The following TBL1X variants were observed in gnomAD, a reference collection of about 807,000 sequenced individuals.
The protein encoded by TBL1X is F-box-like/WD repeat-containing protein TBL1X.
Under a neutral mutation model 50.7 loss-of-function variants are expected in TBL1X, and 10 were observed. The ratio of observed to expected loss-of-function variants is 0.20; its 90% CI spans 0.12 to 0.33. The LOEUF is 0.33. TBL1X is among the 10% of genes least tolerant of loss of function. The probability of loss-of-function intolerance (pLI) is 1.00; values close to 1 mark genes in which losing one functional copy is unlikely to be tolerated. For missense variants in TBL1X, 340 were observed against 504.4 expected, an observed-to-expected ratio of 0.67 and a Z score of 3.12; for synonymous variants, 190 against 214.7, an observed-to-expected ratio of 0.88 and a Z score of 1.01.
chrX:9,702,461 CTG>C (rs2083179986), intron 12 of TBL1X, among the ~76,000 whole-genome samples: 1 of 93,543 alleles, frequency 1.1e-5, no homozygotes, highest in South Asian at 5.1e-4. Context: ...AAAAAAAAAA[CTG>C]GGCATGGTGG....
chrX:9,661,057 TCC>T (rs1211090286), intron 5 of TBL1X, among the ~76,000 whole-genome samples: 1 of 112,099 alleles, frequency 8.9e-6, no homozygotes, highest in African/African-American at 3.2e-5. Flanking sequence ...GATCGTGGAC[TCC>T]CAGCCTCCAG....
intron 2 of TBL1X, among the ~76,000 whole-genome samples, chrX:9,554,833 C>A (rs2082287691): frequency 9.0e-6 from 1 of 111,706 alleles, no homozygotes; most frequent in Admixed American, 9.5e-5. Context: ...GTTGTACAGA[C>A]ATCGAGACAG....
intron 2 of TBL1X, among the ~76,000 whole-genome samples, chrX:9,638,258 G>A (rs1775826415): frequency 9.0e-6 from 1 of 111,709 alleles, no homozygotes; most frequent in African/African-American, 3.3e-5. Flanking sequence ...TTATTTAGCT[G>A]TAAAAATAAA....
intron 2 of TBL1X, among the ~76,000 whole-genome samples, chrX:9,509,456 A>G (rs1212169078): frequency 9.9e-6 from 1 of 101,405 alleles, no homozygotes; most frequent in African/African-American, 3.6e-5. Flanking sequence ...GACCCCAGAT[A>G]GCATCATTTT....
chrX:9,652,875 GA>G (rs1055683332), intron 3 of TBL1X, among the ~76,000 whole-genome samples: 1 of 108,543 alleles, frequency 9.2e-6, no homozygotes, highest in Admixed American at 9.7e-5. Flanking sequence ...AAGAAAGAAA[GA>G]AAAAAAGAGG....
chrX:9,635,162 G>A (rs1043521496), intron 2 of TBL1X, among the ~76,000 whole-genome samples: 2 of 110,948 alleles, frequency 1.8e-5, no homozygotes, highest in African/African-American at 6.6e-5. Context: ...GCCTCGCCAC[G>A]AGCACCCGAA....
chrX:9,697,562 A>G, intron 12 of TBL1X, 133 bp downstream of exon 12: 2 of 895,549 alleles, frequency 2.2e-6, no homozygotes, highest in Non-Finnish European at 3.1e-6. Flanking sequence ...GCATGAGGTC[A>G]GGAGTTCAAG....
At chrX:9,493,100 C>G (rs1446154280) in intron 1 of TBL1X, among the ~76,000 whole-genome samples, 1 of 111,339 alleles carries the variant, frequency 9.0e-6, no homozygotes, top group African/African-American at 3.3e-5. Context: ...TGCCATAGGG[C>G]AGAGTCTCAA....
intron 2 of TBL1X, among the ~76,000 whole-genome samples, chrX:9,582,657 A>G (rs188760361): frequency 8.9e-6 from 1 of 112,475 alleles, no homozygotes; most frequent in Non-Finnish European, 1.9e-5. Context: ...TGGGGTTCCA[A>G]TGTTTTCCTT....
chrX:9,500,763 T>G (rs935573858), intron 1 of TBL1X, among the ~76,000 whole-genome samples: 1 of 112,132 alleles, frequency 8.9e-6, no homozygotes, highest in Non-Finnish European at 1.9e-5. Context: ...GCCCAGAGCA[T>G]GCACAACCCA....
rs1017725083 is a variant in TBL1X, at chrX:9,674,997, G to A, written c.212-9046G>A. 6.3e-5 allele frequency among the ~76,000 whole-genome samples: 7 copies of A among 111,750 alleles called. No homozygotes were observed. In the Admixed American group the frequency reaches 6.6e-4, roughly 11 times the overall value. On this transcript the variant is annotated intron_variant, in intron 5 of 17. Transcript: ENST00000645353. ...GATATACCAATACCTGTTAGTTTAC[G>A]AGTTTCATTTAGTTCTATTGTTCGC...
intron 1 of TBL1X, among the ~76,000 whole-genome samples, chrX:9,487,487 A>C (rs1339679225): frequency 1.8e-5 from 2 of 111,897 alleles, no homozygotes; most frequent in Non-Finnish European, 3.8e-5. Context: ...TTTCTTGTAA[A>C]TGTTCTGTCA....
At position 9,689,964 on chromosome X, in the gene TBL1X, C is replaced by T. The variant is rs1283654254; in HGVS notation, c.617-1615C>T. On this transcript the variant is annotated intron_variant, in intron 7 of 17. Transcript: ENST00000645353. ...CTTATTTTTTACATAAACAGCACTC[C>T]TACTCAGTGACACGTAACCTAAGAT... 3.6e-5 allele frequency among the ~76,000 whole-genome samples: 4 copies of T among 112,481 alleles called. No homozygotes were observed. The East Asian group carries it at 1.1e-3, about 31-fold the overall frequency.
chrX:9,582,476 A>G (rs144205658), intron 2 of TBL1X, among the ~76,000 whole-genome samples: 2,655 of 112,524 alleles, frequency 0.024, 27 homozygotes, highest in Middle Eastern at 0.046. Flanking sequence ...ATCCAAATGC[A>G]TGTATGTTCT....
At chrX:9,497,560 A>G (rs779569436) in intron 1 of TBL1X, among the ~76,000 whole-genome samples, 2 of 111,340 alleles carry the variant, frequency 1.8e-5, no homozygotes, top group Admixed American at 1.9e-4. Flanking sequence ...ATAAACTTGA[A>G]AGCTACATTG....
At chrX:9,553,984 G>A (rs1238346959) in intron 2 of TBL1X, among the ~76,000 whole-genome samples, 4 of 111,394 alleles carry the variant, frequency 3.6e-5, no homozygotes, top group Admixed American at 9.5e-5. Flanking sequence ...AAGCTCAGGC[G>A]ATCCTCCCAC....
At chrX:9,657,648 C>G (rs1427876318) in intron 5 of TBL1X, among the ~76,000 whole-genome samples, 2 of 112,679 alleles carry the variant, frequency 1.8e-5, no homozygotes, top group South Asian at 7.3e-4. Flanking sequence ...ATATATTTCC[C>G]TACCTGTGTG....
rs183989757 is a variant in TBL1X at position 9,692,501 on chromosome X, G to A, written c.891+247G>A. Reference sequence around the variant, plus strand: ...CAGCTCACTGCAACTTCTGCCTCCTGGGTTCAAGCGATTCTCTTTCCTCAG... The same window carrying A: ...CAGCTCACTGCAACTTCTGCCTCCTAGGTTCAAGCGATTCTCTTTCCTCAG... On this transcript the variant is annotated intron_variant, in intron 9 of 17. Coordinates refer to ENST00000645353, the MANE Select transcript of TBL1X (RefSeq NM_005647.4). Among the ~76,000 whole-genome samples, 669 of 112,250 alleles carry A rather than the reference G, an allele frequency of 6.0e-3. 4 individuals carry two copies. The highest frequency in any genetic ancestry group is 0.02 in the African/African-American group (632 of 30,925).
intron 2 of TBL1X, among the ~76,000 whole-genome samples, chrX:9,557,604 A>G (rs1018414768): frequency 9.0e-6 from 1 of 111,514 alleles, no homozygotes; most frequent in African/African-American, 3.3e-5. Flanking sequence ...GCGATTGAGG[A>G]GTTAAAGGGT....
Sources: gnomAD v4.1 joint callset for allele counts (sites outside exome capture counted in the v4.1 genomes callset) on GRCh38, gnomAD v4.1.1 for gene constraint, MANE v1.5 for transcripts, NCBI Gene and HGNC (gene_info 2026-07-23, HGNC 2026-07-21) for gene names.